Variants in MROH7 observed in about 807,000 individuals in gnomAD.
MROH7 encodes the protein maestro heat like repeat family member 7.
Under a neutral mutation model 129.2 loss-of-function variants are expected in MROH7, and 113 were observed. The observed-to-expected ratio is 0.87, with a 90% CI of 0.75 to 1.02. The LOEUF (loss-of-function observed/expected upper bound fraction) is 1.02, where lower values mean the gene tolerates loss of function less well. Ranked by LOEUF, MROH7 falls within the 50% of genes least tolerant of loss-of-function variation. The pLI is 0.00. For synonymous variants in MROH7, 655 were observed against 667.9 expected, an observed-to-expected ratio of 0.98 and a Z score of 0.30; for missense variants, 1,601 against 1,671.3, an observed-to-expected ratio of 0.96 and a Z score of 0.73.
chr1:54,671,800 G>C, intron 7 of MROH7, among the ~76,000 whole-genome samples: 1 of 152,188 alleles, frequency 6.6e-6, no homozygotes. Context: ...AGCCTTACAG[G>C]TGAGGTGAGT....
intron 1 of MROH7, among the ~76,000 whole-genome samples, chr1:54,651,005 G>A (rs1302033772): frequency 2.6e-5 from 4 of 152,070 alleles, no homozygotes; most frequent in African/African-American, 4.8e-5. Flanking sequence ...GATTACAGGC[G>A]TGAGCCCCTG....
At chr1:54,693,275 C>T (rs1645268012) in intron 16 of MROH7, among the ~76,000 whole-genome samples, 1 of 152,156 alleles carries the variant, frequency 6.6e-6, no homozygotes, top group Non-Finnish European at 1.5e-5. Flanking sequence ...CATAGTGAAA[C>T]CCCATCTCTA....
intron 7 of MROH7, among the ~76,000 whole-genome samples, chr1:54,672,831 A>G (rs1644921966): frequency 6.6e-6 from 1 of 152,186 alleles, no homozygotes; most frequent in South Asian, 2.1e-4. Flanking sequence ...TTCTCAGTAT[A>G]TGCTGGATCT....
intron 11 of MROH7, 36 bp from the exon 12 acceptor site, chr1:54,679,227 C>CG (rs1645029030): frequency 3.7e-6 from 6 of 1,610,698 alleles, no homozygotes; most frequent in South Asian, 2.2e-5. Flanking sequence ...TCGGGCTACC[C>CG]ATCAGTGTGT....
rs371036621 is a variant in MROH7 at position 54,669,184 on chromosome 1, T to C, written c.1389+247T>C. 1.4e-4 allele frequency among the ~76,000 whole-genome samples: 21 copies of C among 152,324 alleles called. 1 individual carries two copies. The Middle Eastern group carries it at 0.034, about 247-fold the overall frequency. ...GATGGGTGTGATAATACCTGTGCCA[T>C]TGGCTTGTTGGGAGGACACAACCCA... is the stretch of plus-strand genomic sequence containing the variant. On this transcript the variant is annotated intron_variant, in intron 5 of 23. Transcript: ENST00000421030.
chr1:54,702,476 AAAATAAAAT>A, intron 20 of MROH7, 138 bp from the exon 21 acceptor site: 1 of 839,478 alleles, frequency 1.2e-6, no homozygotes, highest in East Asian at 3.0e-5. Flanking sequence ...GGGCAAAATA[AAAATAAAAT>A]AATAGTAATT....
chr1:54,678,979 C>T (rs976823080), intron 11 of MROH7, 125 bp downstream of exon 11: 13 of 781,762 alleles, frequency 1.7e-5, no homozygotes, highest in African/African-American at 1.4e-4. Flanking sequence ...CAGCCACCCA[C>T]GCCTGTCCTG....
At chr1:54,673,656 C>A in intron 8 of MROH7, 45 bp from the exon 9 acceptor site, 1 of 1,452,036 alleles carries the variant, frequency 6.9e-7, no homozygotes, top group Non-Finnish European at 9.7e-7. Flanking sequence ...GCAGCAGGGG[C>A]TGTCATCTAA....
At chr1:54,658,579 T>A (rs1469357012) in intron 3 of MROH7, among the ~76,000 whole-genome samples, 1 of 151,428 alleles carries the variant, frequency 6.6e-6, no homozygotes, top group African/African-American at 2.4e-5. Context: ...GTAAAATATG[T>A]AAAGTGTGCT....
At chr1:54,695,871 T>G in intron 17 of MROH7, 1 of 333,876 alleles carries the variant, frequency 3.0e-6, no homozygotes, top group South Asian at 2.4e-5. Flanking sequence ...TGATTTGTAC[T>G]ATGATGGGGC....
chr1:54,678,865 GGTGCCCAT>G lies in MROH7; in HGVS notation c.2049+12_2049+19del. On this transcript the variant is annotated intron_variant, in intron 11 of 23. Coordinates refer to ENST00000421030, the MANE Select transcript of MROH7 (RefSeq NM_001039464.4). ...CTGCGGGTGATCGAGGTGACTGCCT[GGTGCCCAT>G]CCAGGAGCGGAGGGTGGGGGGTGAG... The G allele has an allele frequency of 6.2e-7, 1 of 1,605,682 alleles. No homozygotes were observed. Among genetic ancestry groups the G allele is most frequent in the South Asian group, 1.1e-5 (1 of 90,858 alleles).
Position 54,710,049 on chromosome 1 carries a change from G to T in MROH7, c.3834G>T (p.Pro1278=), listed in dbSNP as rs369838725. 1.2e-6 allele frequency: 2 copies of T among 1,614,038 alleles called. No homozygotes were observed. The highest frequency in any genetic ancestry group is 3.3e-5 in the Admixed American group (2 of 60,012). ...LASCWQNSWL[P]HGNSWVCYSA... ...GCTGCTGGCAGAACTCCTGGCTGCC[G>T]CACGGGAACTCATGGGTGTGTTACT... Residue 1278 remains proline (P), a synonymous_variant, in exon 24 of 24, where the codon CCG becomes CCT. Coordinates refer to ENST00000421030, the MANE Select transcript of MROH7 (RefSeq NM_001039464.4).
At chr1:54,646,226 T>C (rs193254633) in intron 1 of MROH7, among the ~76,000 whole-genome samples, 23 of 152,344 alleles carry the variant, frequency 1.5e-4, no homozygotes, top group African/African-American at 5.1e-4. Context: ...TCCAGGGTTC[T>C]GCTGACATTG....
intron 7 of MROH7, among the ~76,000 whole-genome samples, chr1:54,671,942 G>T (rs1035594211): frequency 1.3e-5 from 2 of 152,004 alleles, no homozygotes; most frequent in Non-Finnish European, 2.9e-5. Context: ...GGAGGGGAAG[G>T]CCTAGATGGG....
intron 19 of MROH7, 109 bp downstream of exon 19, chr1:54,701,431 G>A: frequency 1.0e-6 from 1 of 972,406 alleles, no homozygotes; most frequent in Non-Finnish European, 1.5e-6. Flanking sequence ...GGCAGTGTTG[G>A]GTCAGCCTAC....
chr1:54,679,567 G>T, intron 12 of MROH7, 128 bp downstream of exon 12: 2 of 1,060,344 alleles, frequency 1.9e-6, no homozygotes, highest in East Asian at 2.6e-5. Context: ...AAGCCATGGG[G>T]CAGGGAAGGG....
chr1:54,656,860 A>G (rs1337517757), intron 3 of MROH7, among the ~76,000 whole-genome samples: 2 of 151,918 alleles, frequency 1.3e-5, no homozygotes, highest in Non-Finnish European at 2.9e-5. Flanking sequence ...CTTTTTTTCC[A>G]GTTTTTTAAT....
chr1:54,657,342 G>A (rs1312183602), intron 3 of MROH7, among the ~76,000 whole-genome samples: 2 of 151,756 alleles, frequency 1.3e-5, no homozygotes, highest in African/African-American at 2.4e-5. Context: ...GAGCCACCAT[G>A]TCCAGCCAAA....
intron 3 of MROH7, among the ~76,000 whole-genome samples, chr1:54,654,706 C>A (rs1644614919): frequency 1.3e-5 from 2 of 152,046 alleles, no homozygotes; most frequent in Non-Finnish European, 2.9e-5. Context: ...TATAATACTT[C>A]TATTCTGTCC....
Sources: allele counts gnomAD v4.1 joint callset (sites outside exome capture counted in the v4.1 genomes callset), GRCh38; gene constraint gnomAD v4.1.1; transcripts MANE v1.5; gene names NCBI Gene and HGNC (gene_info 2026-07-23, HGNC 2026-07-21).